The following LCORL variants were observed in gnomAD, a reference collection of about 807,000 sequenced individuals.
LCORL encodes the protein ligand-dependent nuclear receptor corepressor-like protein.
Under a neutral mutation model 141.8 loss-of-function variants are expected in LCORL, and 41 were observed. The observed-to-expected ratio is 0.29, with a 90% CI of 0.23 to 0.38. The LOEUF (loss-of-function observed/expected upper bound fraction) is 0.38, where lower values mean the gene tolerates loss of function less well. Among genes scored for constraint, LCORL ranks in the 10% least tolerant of loss-of-function variants. The pLI is 1.00. For missense variants in LCORL, 1,759 were observed against 2,035.0 expected (o/e 0.86, Z 2.61); for synonymous variants, 618 against 694.1 (o/e 0.89, Z 1.72).
intron 5 of LCORL, among the ~76,000 whole-genome samples, chr4:17,892,397 C>T (rs964304451): frequency 3.0e-4 from 46 of 151,484 alleles, no homozygotes; most frequent in Admixed American, 3.9e-4. Flanking sequence ...TTAGTAGAGA[C>T]GGGGTTTCAC....
exon 7 of LCORL, chr4:17,877,707 G>A (rs995600516): frequency 1.6e-6 from 2 of 1,230,538 alleles, no homozygotes; most frequent in South Asian, 8.2e-5. Context: ...ATCTTTAAGA[G>A]TGACTGAAAG....
intron 5 of LCORL, among the ~76,000 whole-genome samples, chr4:17,902,715 C>T (rs773060394): frequency 7.2e-5 from 11 of 151,994 alleles, no homozygotes; most frequent in South Asian, 2.1e-4. Flanking sequence ...ACTAAATATG[C>T]GGCTGAAATT....
chr4:17,930,149 G>T (rs1260130259), intron 4 of LCORL, among the ~76,000 whole-genome samples: 2 of 152,204 alleles, frequency 1.3e-5, no homozygotes, highest in Non-Finnish European at 2.9e-5. Flanking sequence ...CTCATACAAT[G>T]TTGGTGGCAA....
chr4:17,845,816 G>A (rs1722861629), exon 8 of LCORL: 3 of 1,613,386 alleles, frequency 1.9e-6, no homozygotes, highest in Non-Finnish European at 2.5e-6. Flanking sequence ...GGACGATTAA[G>A]GCACATCTTA....
At chr4:17,899,116 T>C (rs974504249) in intron 5 of LCORL, among the ~76,000 whole-genome samples, 4 of 152,208 alleles carry the variant, frequency 2.6e-5, no homozygotes, top group African/African-American at 9.7e-5. Flanking sequence ...CATTTTTCTA[T>C]CAGGCTGTTC....
intron 4 of LCORL, among the ~76,000 whole-genome samples, chr4:17,922,585 T>C (rs557052933): frequency 6.6e-6 from 1 of 152,316 alleles, no homozygotes; most frequent in East Asian, 1.9e-4. Flanking sequence ...CTTCTAAGAT[T>C]GCCCTGAGTG....
intron 7 of LCORL, among the ~76,000 whole-genome samples, chr4:17,858,729 A>T (rs1037729047): frequency 6.7e-6 from 1 of 149,110 alleles, no homozygotes; most frequent in Non-Finnish European, 1.5e-5. Flanking sequence ...ACTCCATCTC[A>T]AATAATAATA....
At chr4:18,015,074 T>G (rs1435281585) in intron 1 of LCORL, among the ~76,000 whole-genome samples, 1 of 152,194 alleles carries the variant, frequency 6.6e-6, no homozygotes, top group African/African-American at 2.4e-5. Context: ...GATTTACTAA[T>G]GAGGAATAAA....
At chr4:17,926,301 C>T (rs545736769) in intron 4 of LCORL, among the ~76,000 whole-genome samples, 2 of 149,692 alleles carry the variant, frequency 1.3e-5, no homozygotes, top group South Asian at 2.1e-4. Context: ...GGTAGATCCA[C>T]CCTCAATCTT....
At chr4:18,015,800 C>T (rs1257533531) in intron 1 of LCORL, among the ~76,000 whole-genome samples, 1 of 148,924 alleles carries the variant, frequency 6.7e-6, no homozygotes, top group Non-Finnish European at 1.5e-5. Flanking sequence ...AGTTGATTAA[C>T]AGGAAAAGTA....
rs563808946 is a variant in LCORL at position 17,941,997 on chromosome 4, A to G, written c.430+19906T>C. Among the ~76,000 whole-genome samples, 3 of 152,234 alleles carry G rather than the reference A, an allele frequency of 2.0e-5. No homozygotes were observed. In the South Asian group the frequency reaches 6.2e-4, roughly 32 times the overall value. On this transcript the variant is annotated intron_variant, in intron 4 of 7. Coordinates refer to ENST00000635767, the Ensembl canonical transcript of LCORL. The stretch of plus-strand genomic sequence containing the variant: ...GCTTTAAAGTTATTGTCTAGAGGCT[A>G]TTGTGGAGAATTATAGTTAGGGGTG...
At chr4:17,896,281 C>CCT (rs371831539) in intron 5 of LCORL, among the ~76,000 whole-genome samples, 20 of 150,978 alleles carry the variant, frequency 1.3e-4, no homozygotes, top group Admixed American at 7.9e-4. Context: ...CCTTTCCTTC[C>CCT]CTCTCTCTCT....
At chr4:17,873,867 C>G in exon 7 of LCORL, 2 of 1,233,934 alleles carry the variant, frequency 1.6e-6, no homozygotes, top group Non-Finnish European at 2.0e-6. Context: ...TAGTCTTGGT[C>G]CCTTTTGAAA....
rs571713472 is a variant in LCORL at position 17,861,443 on chromosome 4, T to A, written c.5602+11945A>T. On this transcript the variant is annotated intron_variant, in intron 7 of 7. Transcript: ENST00000635767. ...GACACAGGGCACCAGGTCCCTAGACTGCACACAGCACGGGGACCCTGGGCC... is the reference window on the plus strand; with the variant it reads ...GACACAGGGCACCAGGTCCCTAGACAGCACACAGCACGGGGACCCTGGGCC... Among the ~76,000 whole-genome samples the A allele has an allele frequency of 3.3e-5, 5 of 152,296 alleles. No individual in the cohort carries two copies. In the East Asian group the frequency reaches 9.7e-4, roughly 30 times the overall value.
intron 7 of LCORL, among the ~76,000 whole-genome samples, chr4:17,872,091 T>C (rs187075275): frequency 6.6e-6 from 1 of 152,128 alleles, no homozygotes; most frequent in African/African-American, 2.4e-5. Flanking sequence ...ATAAAGCCAA[T>C]ACTTCCCCAA....
At chr4:17,985,215 G>A (rs1312631993) in intron 1 of LCORL, among the ~76,000 whole-genome samples, 3 of 152,092 alleles carry the variant, frequency 2.0e-5, no homozygotes, top group African/African-American at 7.2e-5. Context: ...TATGTGATGT[G>A]CCATGTGGTG....
chr4:17,878,286 G>T, intron 6 of LCORL, 73 bp from the exon 7 acceptor site: 1 of 1,065,354 alleles, frequency 9.4e-7, no homozygotes, highest in Non-Finnish European at 1.2e-6. Flanking sequence ...TTTTAACAGT[G>T]TTTGAAAAAA....
chr4:17,886,213 CTTACA>C (rs1728249516), intron 5 of LCORL, 52 bp from the exon 6 acceptor site: 1 of 867,468 alleles, frequency 1.2e-6, no homozygotes, highest in Non-Finnish European at 1.9e-6. Context: ...ATAGGCAATC[CTTACA>C]TTTTAATATT....
chr4:17,875,670 G>A (rs2109182226), exon 7 of LCORL: 1 of 1,231,324 alleles, frequency 8.1e-7, no homozygotes, highest in Non-Finnish European at 1.0e-6. Flanking sequence ...AGTGATGTTT[G>A]TTTGATCAAT....
Sources: allele counts gnomAD v4.1 joint callset (sites outside exome capture counted in the v4.1 genomes callset), GRCh38; gene constraint gnomAD v4.1.1; transcripts MANE v1.5; gene names NCBI Gene and HGNC (gene_info 2026-07-23, HGNC 2026-07-21).